AHDC1: variants seen among roughly 807,000 people sequenced by gnomAD.
The protein encoded by AHDC1 is AT-hook DNA binding motif containing 1.
AHDC1 carries 7 observed loss-of-function variants against 87.9 expected under a neutral mutation model. That is an observed-to-expected ratio of 0.08 (90% CI 0.05 to 0.15). AHDC1 has a LOEUF of 0.15. AHDC1 is among the 10% of genes least tolerant of loss of function. The pLI is 1.00. For synonymous variants in AHDC1, 1,051 were observed against 1,006.8 expected, an observed-to-expected ratio of 1.04 and a Z score of -0.83; for missense variants, 1,841 against 2,253.2, an observed-to-expected ratio of 0.82 and a Z score of 3.70.
chr1:27,585,866 T>C (rs956228701), intron 3 of AHDC1, among the ~76,000 whole-genome samples: 15 of 152,238 alleles, frequency 9.9e-5, no homozygotes, highest in Admixed American at 6.5e-5. Flanking sequence ...TATGTGACCC[T>C]GGGCAAGTTA....
chr1:27,573,586 T>C (rs1426573485), intron 3 of AHDC1, among the ~76,000 whole-genome samples: 1 of 152,130 alleles, frequency 6.6e-6, no homozygotes, highest in Non-Finnish European at 1.5e-5. Flanking sequence ...TTTGGTGGGA[T>C]CCAGGCTTTG....
At chr1:27,566,658 C>A (rs1370663230) in intron 3 of AHDC1, among the ~76,000 whole-genome samples, 6 of 88,216 alleles carry the variant, frequency 6.8e-5, no homozygotes, top group African/African-American at 2.9e-4. Flanking sequence ...CAGCAGTAGG[C>A]AGAGGTGAGG....
intron 3 of AHDC1, among the ~76,000 whole-genome samples, chr1:27,596,690 C>T (rs1273081269): frequency 1.3e-5 from 2 of 152,120 alleles, no homozygotes; most frequent in South Asian, 2.1e-4. Flanking sequence ...TGCCACTGCA[C>T]GCTCACACAT....
chr1:27,574,891 CTCCCA>C (rs750629456), intron 3 of AHDC1, among the ~76,000 whole-genome samples: 31 of 152,212 alleles, frequency 2.0e-4, no homozygotes, highest in Non-Finnish European at 3.8e-4. Context: ...AATGAAGCCC[CTCCCA>C]TCCCGGGGCC....
At chr1:27,602,025 AAGGGT>A (rs1557716165) in intron 3 of AHDC1, among the ~76,000 whole-genome samples, 5 of 152,106 alleles carry the variant, frequency 3.3e-5, no homozygotes, top group Non-Finnish European at 7.4e-5. Context: ...CAGGCCCCCC[AAGGGT>A]CCCTCCTTGT....
intron 8 of AHDC1, among the ~76,000 whole-genome samples, chr1:27,541,857 C>T (rs1448011645): frequency 2.0e-5 from 3 of 152,172 alleles, no homozygotes; most frequent in Non-Finnish European, 4.4e-5. Flanking sequence ...CTCGAACTCC[C>T]AACCTCAGGT....
chr1:27,595,755 C>T lies in AHDC1; in HGVS notation c.-629+7642G>A, dbSNP rs943765935. ...CAGAGATGTGCCACAGGCTATCGTC[C>T]GTGCATGCACAGGTATGAGGGCTGT... On this transcript the variant is annotated intron_variant, in intron 3 of 8. Coordinates refer to ENST00000673934, the MANE Select transcript of AHDC1 (RefSeq NM_001371928.1). This position sits in a 1 kb window ranked among gnomAD's most constrained non-coding sequence, Gnocchi z 4.0. Among the ~76,000 whole-genome samples the T allele has an allele frequency of 6.6e-6, 1 of 151,862 alleles. No homozygotes were observed. The highest frequency in any genetic ancestry group is 2.4e-5 in the African/African-American group (1 of 41,288).
intron 3 of AHDC1, among the ~76,000 whole-genome samples, chr1:27,571,791 G>T (rs1292782905): frequency 6.6e-6 from 1 of 152,146 alleles, no homozygotes; most frequent in Non-Finnish European, 1.5e-5. Flanking sequence ...CGCCGGGGTG[G>T]GTTTGCAGGG....
At chr1:27,542,580 C>T (rs986147171) in intron 8 of AHDC1, among the ~76,000 whole-genome samples, 9 of 152,194 alleles carry the variant, frequency 5.9e-5, no homozygotes, top group Admixed American at 6.5e-5. Flanking sequence ...AAGGGCTTCA[C>T]GTGTAATCTC....
In AHDC1 at chr1:27,548,327, T is replaced by C. The variant is rs113302791; in HGVS notation, c.3789A>G (p.Lys1263=). The C allele has an allele frequency of 5.0e-6, 8 of 1,606,522 alleles. No individual in the cohort carries two copies. The highest frequency in any genetic ancestry group is 2.7e-5 in the African/African-American group (2 of 74,944). The stretch of plus-strand genomic sequence containing the variant: ...GCGGCTGCCGGGGCCCAGTGCTCCG[T>C]TTGGATGGGTAGCCTGAGGCAGCGG... ...ASAAASGYPS[K]RSTGPRQPRG... The change falls in exon 8 of 9, where the codon AAA becomes AAG. Residue 1263 remains lysine, a synonymous_variant. Coordinates refer to ENST00000673934, the MANE Select transcript of AHDC1 (RefSeq NM_001371928.1).
Position 27,548,641 on chromosome 1 carries a change from C to T in AHDC1, c.3475G>A (p.Val1159Met), listed in dbSNP as rs1205822404. Residue 1159 changes from valine (V) to methionine (M), a missense_variant, in exon 8 of 9, where the codon GTG becomes ATG. Val to Met is a conservative substitution (Grantham distance 21). This residue lies in a region of AHDC1 where 505 missense variants were observed against 626.2 expected (regional missense o/e 0.81). Transcript: ENST00000673934. ...GATGACTCAGAGAAGGTCTCCGACA[C>T]AGCCGTCTGCTGCTTCACCTTCTGC... Reference protein sequence around the residue: ...TPQKVKQQTAVSETFSESSSD... With the variant: ...TPQKVKQQTAMSETFSESSSD... 2.5e-6 allele frequency: 4 copies of T among 1,613,462 alleles called. No individual in the cohort carries two copies. Among genetic ancestry groups the T allele is most frequent in the Non-Finnish European group, 3.4e-6 (4 of 1,180,044 alleles).
chr1:27,554,103 T>C (rs1171511085), intron 5 of AHDC1, among the ~76,000 whole-genome samples: 1 of 152,158 alleles, frequency 6.6e-6, no homozygotes, highest in Non-Finnish European at 1.5e-5. Flanking sequence ...GTTGCATGAA[T>C]GAACGCACAC....
At position 27,534,929 on chromosome 1, in the gene AHDC1, A is replaced by ACAAGAGAAGAGG. The variant is rs2018577854; in HGVS notation, c.*44-25_*44-14dup. ...GGTTTTCTGAAAGCTGCAAAGAAAC[A>ACAAGAGAAGAGG]CAAGAGAAGAGGCAGGAGTGAGCGG... On this transcript the variant is annotated splice_polypyrimidine_tract_variant and intron_variant, in intron 8 of 8. Coordinates refer to ENST00000673934, the MANE Select transcript of AHDC1 (RefSeq NM_001371928.1). 1 of 152,172 alleles carries ACAAGAGAAGAGG rather than the reference A, an allele frequency of 6.6e-6. No homozygotes were observed. The highest frequency in any genetic ancestry group is 1.5e-5 in the Non-Finnish European group (1 of 68,038). 9.4% of individuals were successfully genotyped at this position (152,172 alleles called of 1,614,324 possible). A position where few individuals can be genotyped will look rare whatever the true frequency, so the allele number is the denominator to read the frequency against.
At chr1:27,571,385 G>A (rs551787439) in intron 3 of AHDC1, among the ~76,000 whole-genome samples, 1 of 152,174 alleles carries the variant, frequency 6.6e-6, no homozygotes, top group South Asian at 2.1e-4. Flanking sequence ...ACAGAGGCAG[G>A]CTGGGACAAA....
intron 3 of AHDC1, among the ~76,000 whole-genome samples, chr1:27,594,869 G>A (rs1385287540): frequency 6.6e-6 from 1 of 152,106 alleles, no homozygotes; most frequent in Non-Finnish European, 1.5e-5. Context: ...CAGAATGGGT[G>A]CAGGGTTGTG....
At chr1:27,575,290 C>G (rs2088685555) in intron 3 of AHDC1, among the ~76,000 whole-genome samples, 1 of 152,196 alleles carries the variant, frequency 6.6e-6, no homozygotes, top group Admixed American at 6.5e-5. Context: ...GAGGAGGTGA[C>G]GGGCGGAGAG....
Position 27,550,532 on chromosome 1 carries a change from C to G in AHDC1, c.1584G>C (p.Arg528=). The part of the protein sequence containing the change: ...TPLLKMKNNG[R]NVVVVFPPGE... ...CGGGTGGGAAGACCACTACCACGTT[C>G]CGCCCATTGTTCTTCATCTTCAGCA... is the stretch of plus-strand genomic sequence containing the variant. The change falls in exon 8 of 9, where the codon CGG becomes CGC. Residue 528 remains arginine, a synonymous_variant. Transcript: ENST00000673934. 6.2e-7 allele frequency: 1 copy of G among 1,611,984 alleles called. No individual in the cohort carries two copies. The highest frequency in any genetic ancestry group is 8.5e-7 in the Non-Finnish European group (1 of 1,178,470).
intron 3 of AHDC1, among the ~76,000 whole-genome samples, chr1:27,566,406 A>G (rs1002510655): frequency 2.0e-5 from 3 of 151,822 alleles, no homozygotes; most frequent in Non-Finnish European, 4.4e-5. Context: ...AAAAGACAAA[A>G]GAGAGAGACA....
rs201775335 is a variant in AHDC1, at chr1:27,563,121, ACACG to A, written c.-628-4242_-628-4239del. 2.1e-3 allele frequency among the ~76,000 whole-genome samples: 322 copies of A among 151,176 alleles called. 1 individual carries two copies. The highest frequency in any genetic ancestry group is 0.01 in the Middle Eastern group (3 of 294). On this transcript the variant is annotated intron_variant, in intron 3 of 8. Transcript: ENST00000673934. This position sits in a 1 kb window ranked among gnomAD's most constrained non-coding sequence, Gnocchi z 6.1. ...TTACACAGCTGACCAAGACACACAC[ACACG>A]CACGCACGCATGCATGCACACACCC...
Sources: gnomAD v4.1 joint callset for allele counts (sites outside exome capture counted in the v4.1 genomes callset) on GRCh38, gnomAD v4.1.1 for gene constraint, gnomAD v4.1.1 regional missense constraint, Gnocchi (gnomAD v3.1) non-coding constraint, MANE v1.5 for transcripts, NCBI Gene and HGNC (gene_info 2026-07-23, HGNC 2026-07-21) for gene names.